Variants in ATRNL1 observed in about 807,000 individuals in gnomAD.
The protein encoded by ATRNL1 is attractin-like protein 1.
ATRNL1 carries 95 observed loss-of-function variants against 182.7 expected under a neutral mutation model. The observed-to-expected ratio is 0.52, with a 90% confidence interval of 0.44 to 0.62. The LOEUF is 0.62. Ranked by LOEUF, ATRNL1 falls within the 20% of genes least tolerant of loss-of-function variation. The pLI is 0.00. For synonymous variants in ATRNL1, 576 were observed against 568.3 expected, an observed-to-expected ratio of 1.01 and a Z score of -0.19; for missense variants, 1,471 against 1,679.5, an observed-to-expected ratio of 0.88 and a Z score of 2.17.
chr10:115,372,210 T>C (rs1277312599), intron 19 of ATRNL1, among the ~76,000 whole-genome samples: 2 of 152,184 alleles, frequency 1.3e-5, no homozygotes, highest in Non-Finnish European at 2.9e-5. Flanking sequence ...AAAATCAGGT[T>C]ACTTGTTTTC....
At chr10:115,259,550 T>C (rs1437222056) in intron 10 of ATRNL1, among the ~76,000 whole-genome samples, 1 of 152,100 alleles carries the variant, frequency 6.6e-6, no homozygotes, top group Non-Finnish European at 1.5e-5. Context: ...GAAAGGGAAA[T>C]CCCCCAACCC....
At chr10:115,835,585 C>T (rs904051140) in intron 27 of ATRNL1, among the ~76,000 whole-genome samples, 1 of 152,152 alleles carries the variant, frequency 6.6e-6, no homozygotes, top group Non-Finnish European at 1.5e-5. Context: ...TATAAATGCC[C>T]AATAACCTTA....
At chr10:115,320,479 A>G (rs1359552715) in intron 18 of ATRNL1, among the ~76,000 whole-genome samples, 3 of 152,078 alleles carry the variant, frequency 2.0e-5, no homozygotes, top group Admixed American at 2.0e-4. Context: ...TAATATTCTG[A>G]AGTGTATTTT....
chr10:115,610,558 A>G (rs1857103014), intron 26 of ATRNL1, among the ~76,000 whole-genome samples: 1 of 152,210 alleles, frequency 6.6e-6, no homozygotes, highest in South Asian at 2.1e-4. Context: ...AACCTTTAAT[A>G]GAGACAGAAT....
Position 115,681,167 on chromosome 10 carries a change from G to T in ATRNL1, c.3796-46081G>T, listed in dbSNP as rs1227311094. ...CATCTTCTCATGTACAAAATAGAAG[G>T]ATTTAAAATATAACTTTGAATGTCA... On this transcript the variant is annotated intron_variant, in intron 26 of 28. Coordinates refer to ENST00000355044, the MANE Select transcript of ATRNL1 (RefSeq NM_207303.4). 2.0e-5 allele frequency among the ~76,000 whole-genome samples: 3 copies of T among 152,050 alleles called. No individual in the cohort carries two copies. The East Asian group carries it at 5.8e-4, about 29-fold the overall frequency.
intron 20 of ATRNL1, among the ~76,000 whole-genome samples, chr10:115,418,012 G>T (rs560421271): frequency 6.6e-6 from 1 of 152,304 alleles, no homozygotes; most frequent in South Asian, 2.1e-4. Context: ...ACACATTGTT[G>T]CATGTCCATA....
chr10:115,365,798 C>T (rs1174179666), intron 19 of ATRNL1, among the ~76,000 whole-genome samples: 2 of 152,114 alleles, frequency 1.3e-5, no homozygotes, highest in South Asian at 2.1e-4. Flanking sequence ...CATTCAGGAG[C>T]AGGTTGTTCA....
At chr10:115,433,102 A>G (rs1247039576) in intron 21 of ATRNL1, among the ~76,000 whole-genome samples, 1 of 152,060 alleles carries the variant, frequency 6.6e-6, no homozygotes, top group Non-Finnish European at 1.5e-5. Flanking sequence ...TTAAAAAATT[A>G]CTGTTTTATG....
chr10:115,823,190 C>G lies in ATRNL1; in HGVS notation c.3904-24687C>G, dbSNP rs568762720. Among the ~76,000 whole-genome samples the G allele has an allele frequency of 9.7e-4, 147 of 152,276 alleles. 1 individual carries two copies. The South Asian group carries it at 0.017, about 18-fold the overall frequency. Reference sequence around the variant, plus strand: ...AATGACAAAAACCACATGATTATCTCAATAGATGCAAAAAAGACCTTTGAC... The same window carrying G: ...AATGACAAAAACCACATGATTATCTGAATAGATGCAAAAAAGACCTTTGAC... On this transcript the variant is annotated intron_variant, in intron 27 of 28. Transcript: ENST00000355044.
chr10:115,187,371 T>C (rs782193502), intron 8 of ATRNL1, among the ~76,000 whole-genome samples: 1 of 152,006 alleles, frequency 6.6e-6, no homozygotes, highest in Non-Finnish European at 1.5e-5. Flanking sequence ...TTCAAAAATA[T>C]CCATGTTATG....
intron 28 of ATRNL1, among the ~76,000 whole-genome samples, chr10:115,869,690 A>C (rs887311616): frequency 1.3e-5 from 2 of 152,202 alleles, no homozygotes; most frequent in Admixed American, 1.3e-4. Context: ...TAGGAAACAG[A>C]AACAAAAATC....
intron 26 of ATRNL1, among the ~76,000 whole-genome samples, chr10:115,553,256 T>C (rs899877638): frequency 6.6e-6 from 1 of 151,308 alleles, no homozygotes; most frequent in Non-Finnish European, 1.5e-5. Flanking sequence ...CATGTCTCTG[T>C]GAAACTTTAA....
At chr10:115,398,252 A>G (rs1053452378) in intron 20 of ATRNL1, among the ~76,000 whole-genome samples, 6 of 151,984 alleles carry the variant, frequency 3.9e-5, no homozygotes, top group Non-Finnish European at 1.5e-5. Flanking sequence ...TACAGTCAAA[A>G]TATTCATTTA....
chr10:115,680,545 A>T (rs1436841671), intron 26 of ATRNL1, among the ~76,000 whole-genome samples: 2 of 152,174 alleles, frequency 1.3e-5, no homozygotes, highest in Non-Finnish European at 2.9e-5. Context: ...GAAAACTCTT[A>T]AAGTATATGC....
At chr10:115,228,314 G>A (rs187265078) in intron 9 of ATRNL1, among the ~76,000 whole-genome samples, 2 of 152,204 alleles carry the variant, frequency 1.3e-5, no homozygotes, top group African/African-American at 4.8e-5. Flanking sequence ...ACTTATAGGA[G>A]TTCCTGTTGC....
intron 17 of ATRNL1, among the ~76,000 whole-genome samples, chr10:115,315,208 C>T (rs782167960): frequency 6.6e-6 from 1 of 152,058 alleles, no homozygotes; most frequent in Non-Finnish European, 1.5e-5. Flanking sequence ...GTCTGTAGGG[C>T]CCTAAAAGTT....
intron 19 of ATRNL1, among the ~76,000 whole-genome samples, chr10:115,345,538 A>G (rs1855938629): frequency 6.6e-6 from 1 of 152,148 alleles, no homozygotes. Context: ...TGCCTCTTTC[A>G]CTGATAGAAG....
At chr10:115,771,230 CTTT>C (rs35473711) in intron 27 of ATRNL1, among the ~76,000 whole-genome samples, 12 of 131,524 alleles carry the variant, frequency 9.1e-5, no homozygotes, top group Admixed American at 1.5e-4. Context: ...AGGATTCTTA[CTTT>C]TTTTTTTTTT....
At chr10:115,879,468 A>C (rs778201739) in intron 28 of ATRNL1, among the ~76,000 whole-genome samples, 105 of 152,198 alleles carry the variant, frequency 6.9e-4, no homozygotes, top group Non-Finnish European at 1.4e-3. Context: ...TAGCCATAGG[A>C]GAGCCCTATA....
Sources: gnomAD v4.1 joint callset for allele counts (sites outside exome capture counted in the v4.1 genomes callset) on GRCh38, gnomAD v4.1.1 for gene constraint, MANE v1.5 for transcripts, NCBI Gene and HGNC (gene_info 2026-07-23, HGNC 2026-07-21) for gene names.